Variants in RGCC observed in about 807,000 individuals in gnomAD.
The protein encoded by RGCC is regulator of cell cycle.
A neutral mutation model predicts 15.4 loss-of-function variants in RGCC; 15 were observed. The observed-to-expected ratio is 0.97, with a 90% CI of 0.65 to 1.50. The LOEUF is 1.50. Among genes scored for constraint, RGCC ranks in the 40% most tolerant of loss-of-function variants. The probability of loss-of-function intolerance (pLI) is 0.00; values close to 1 mark genes in which losing one functional copy is unlikely to be tolerated. For synonymous variants in RGCC, 81 were observed against 78.0 expected (o/e 1.04, Z -0.20); for missense variants, 176 against 189.7 (o/e 0.93, Z 0.42).
At position 41,470,465 on chromosome 13, in the gene RGCC, C is replaced by T; in HGVS notation, c.407-13C>T. 6.2e-7 allele frequency: 1 copy of T among 1,613,168 alleles called. No homozygotes were observed. The highest frequency in any genetic ancestry group is 1.7e-5 in the Admixed American group (1 of 60,014). On this transcript the variant is annotated splice_polypyrimidine_tract_variant and intron_variant, in intron 4 of 4. Coordinates refer to ENST00000379359, the MANE Select transcript of RGCC (RefSeq NM_014059.3). ...CCTCTGAGTGGATAACCTTACCTATCTCTCATTTACAGGTATGTGAAACAA... is the reference window on the plus strand; with the variant it reads ...CCTCTGAGTGGATAACCTTACCTATTTCTCATTTACAGGTATGTGAAACAA...
At chr13:41,467,141 G>A (rs970887294) in intron 3 of RGCC, among the ~76,000 whole-genome samples, 3 of 152,154 alleles carry the variant, frequency 2.0e-5, no homozygotes, top group Non-Finnish European at 2.9e-5. Context: ...ATAATTTGGG[G>A]CAGAAAACCT....
rs936954274 is a variant in RGCC at position 41,466,866 on chromosome 13, A to G, written c.279A>G (p.Glu93=). 1.8e-5 allele frequency: 29 copies of G among 1,613,938 alleles called. No individual in the cohort carries two copies. The Admixed American group carries it at 3.2e-4, about 18-fold the overall frequency. Residue 93 remains glutamate, a synonymous_variant, in exon 3 of 5, where the codon GAA becomes GAG. Coordinates refer to ENST00000379359, the MANE Select transcript of RGCC (RefSeq NM_014059.3). ...GGAACAGCTTCAGCTTCAGTGATGA[A>G]AAACTGAATTCTCCAACAGACTCTA... ...LYRNSFSFSD[E]KLNSPTDSTP...
intron 2 of RGCC, among the ~76,000 whole-genome samples, chr13:41,462,093 C>T (rs1405072842): frequency 6.6e-6 from 1 of 152,216 alleles, no homozygotes; most frequent in Non-Finnish European, 1.5e-5. Flanking sequence ...ACCCACACCC[C>T]CAGCCATTCC....
intron 3 of RGCC, among the ~76,000 whole-genome samples, chr13:41,467,562 A>G (rs1262997511): frequency 1.3e-5 from 2 of 152,238 alleles, no homozygotes; most frequent in Non-Finnish European, 2.9e-5. Flanking sequence ...TGCCTTTTTG[A>G]AAACAAAAGG....
Position 41,466,860 on chromosome 13 carries a change from T to A in RGCC, c.273T>A (p.Ser91Arg). ...TTTATAGGAACAGCTTCAGCTTCAG[T>A]GATGAAAAACTGAATTCTCCAACAG... ...DSLYRNSFSF[S>R]DEKLNSPTDS... The change falls in exon 3 of 5, where the codon AGT becomes AGA. Residue 91 changes from serine to arginine, a missense_variant. Ser to Arg is a moderately radical substitution (Grantham distance 110). Coordinates refer to ENST00000379359, the MANE Select transcript of RGCC (RefSeq NM_014059.3). The A allele has an allele frequency of 6.2e-7, 1 of 1,613,920 alleles. No homozygotes were observed. Among genetic ancestry groups the A allele is most frequent in the Non-Finnish European group, 8.5e-7 (1 of 1,179,820 alleles).
intron 2 of RGCC, among the ~76,000 whole-genome samples, chr13:41,463,038 G>A (rs2139574955): frequency 6.6e-6 from 1 of 152,314 alleles, no homozygotes; most frequent in South Asian, 2.1e-4. Context: ...GTGCTATTCT[G>A]CACTTTGCTA....
intron 2 of RGCC, among the ~76,000 whole-genome samples, chr13:41,460,138 G>A (rs1050584832): frequency 1.3e-5 from 2 of 152,200 alleles, no homozygotes; most frequent in South Asian, 2.1e-4. Flanking sequence ...CTAACCCTTA[G>A]TTTGGTGGTT....
At position 41,470,500 on chromosome 13, in the gene RGCC, G is replaced by C. The variant is rs1242917958; in HGVS notation, c.*15G>C. 1 of 1,613,330 alleles carries C rather than the reference G, an allele frequency of 6.2e-7. No homozygotes were observed. Among genetic ancestry groups the C allele is most frequent in the Admixed American group, 1.7e-5 (1 of 59,970 alleles). ...CAGGTATGTGAAACAAGAAGTTCTGGGTCCTTTCATCATAAGGGAGAAGCT... is the reference window on the plus strand; with the variant it reads ...CAGGTATGTGAAACAAGAAGTTCTGCGTCCTTTCATCATAAGGGAGAAGCT... On this transcript the variant is annotated 3_prime_UTR_variant, in exon 5 of 5. Transcript: ENST00000379359.
intron 2 of RGCC, among the ~76,000 whole-genome samples, chr13:41,464,962 G>T (rs73181130): frequency 1.3e-5 from 2 of 151,996 alleles, no homozygotes; most frequent in African/African-American, 2.4e-5. Context: ...AGGAGAGGGT[G>T]GGGGGAAAGG....
intron 2 of RGCC, among the ~76,000 whole-genome samples, chr13:41,460,234 T>C (rs1049316328): frequency 7.2e-5 from 11 of 152,232 alleles, no homozygotes; most frequent in African/African-American, 2.7e-4. Context: ...ACAAGGCTAG[T>C]CAGAAATATT....
At chr13:41,470,220 C>T (rs1339015337) in intron 4 of RGCC, among the ~76,000 whole-genome samples, 1 of 152,142 alleles carries the variant, frequency 6.6e-6, no homozygotes. Context: ...CACCATCTTA[C>T]ATCAGAAGAC....
In RGCC at chr13:41,458,473, A is replaced by T; in HGVS notation, c.235+3A>T. ...CAGCGGCTTCAGCGACTCGGAGAGT[A>T]AGTGCGGCCCCCGCTAGGATGGCGC... On this transcript the variant is annotated splice_donor_region_variant and intron_variant, in intron 2 of 4. Coordinates refer to ENST00000379359, the MANE Select transcript of RGCC (RefSeq NM_014059.3). This position sits in a 1 kb window ranked among gnomAD's most constrained non-coding sequence, Gnocchi z 4.4. The T allele has an allele frequency of 1.9e-6, 3 of 1,594,000 alleles. No individual in the cohort carries two copies. Among genetic ancestry groups the T allele is most frequent in the Non-Finnish European group, 2.6e-6 (3 of 1,175,540 alleles).
chr13:41,461,043 T>C lies in RGCC; in HGVS notation c.235+2573T>C, dbSNP rs1488546507. On this transcript the variant is annotated intron_variant, in intron 2 of 4. Transcript: ENST00000379359. ...CCTCGTACTGAAAGAAACAAGTTACTCAGATAGGAAAGAAGAACAGATATT... is the reference window on the plus strand; with the variant it reads ...CCTCGTACTGAAAGAAACAAGTTACCCAGATAGGAAAGAAGAACAGATATT... 2.0e-5 allele frequency among the ~76,000 whole-genome samples: 3 copies of C among 152,120 alleles called. No individual in the cohort carries two copies. The East Asian group carries it at 5.8e-4, about 29-fold the overall frequency.
chr13:41,459,802 C>T (rs1191889817), intron 2 of RGCC, among the ~76,000 whole-genome samples: 1 of 152,222 alleles, frequency 6.6e-6, no homozygotes, highest in African/African-American at 2.4e-5. Context: ...ATGTCTCCTC[C>T]TACTGGGGCA....
chr13:41,464,490 G>A (rs1482459902), intron 2 of RGCC, among the ~76,000 whole-genome samples: 1 of 152,144 alleles, frequency 6.6e-6, no homozygotes, highest in Non-Finnish European at 1.5e-5. Flanking sequence ...GGAGCCAGCA[G>A]GAGGGCTTCC....
intron 2 of RGCC, among the ~76,000 whole-genome samples, chr13:41,464,901 C>T (rs2043839874): frequency 6.6e-6 from 1 of 151,714 alleles, no homozygotes; most frequent in Non-Finnish European, 1.5e-5. Context: ...GAAAAGTGGA[C>T]AAGATGGCGG....
rs200698327 is a variant in RGCC at position 41,461,242 on chromosome 13, T to TA, written c.235+2779dup. 7.1e-3 allele frequency among the ~76,000 whole-genome samples: 1,074 copies of TA among 152,226 alleles called. 10 individuals are homozygous for TA. The highest frequency in any genetic ancestry group is 0.024 in the African/African-American group (989 of 41,528). On this transcript the variant is annotated intron_variant, in intron 2 of 4. Coordinates refer to ENST00000379359, the MANE Select transcript of RGCC (RefSeq NM_014059.3). Reference sequence around the variant, plus strand: ...TTCGTTTAGACTTGATTCCAACATGTAAAAAAATCAGGCACTTTAGTGGGA... The same window carrying TA: ...TTCGTTTAGACTTGATTCCAACATGTAAAAAAAATCAGGCACTTTAGTGGGA...
In RGCC at chr13:41,470,661, AT is replaced by A. The variant is rs1435992014; in HGVS notation, c.*179del. ...CAGCCCTTGATCCCATTTCTGGGCA[AT>A]TTAGACAGTGAAACTGACTTTGTTT... On this transcript the variant is annotated 3_prime_UTR_variant, in exon 5 of 5. Coordinates refer to ENST00000379359, the MANE Select transcript of RGCC (RefSeq NM_014059.3). The A allele has an allele frequency of 1.1e-5, 7 of 633,894 alleles. No homozygotes were observed. Among genetic ancestry groups the A allele is most frequent in the Non-Finnish European group, 1.7e-5 (6 of 355,730 alleles). The allele number at this position is 633,894 out of a possible 1,614,324, so 39.3% of individuals were successfully genotyped here. A position where few individuals can be genotyped will look rare whatever the true frequency, so the allele number is the denominator to read the frequency against.
chr13:41,463,124 A>G (rs757289653), intron 2 of RGCC, among the ~76,000 whole-genome samples: 2 of 152,216 alleles, frequency 1.3e-5, no homozygotes, highest in Non-Finnish European at 2.9e-5. Context: ...TCTTCTAACA[A>G]GGAAGAAACA....
Sources: gnomAD v4.1 joint callset for allele counts (sites outside exome capture counted in the v4.1 genomes callset) on GRCh38, gnomAD v4.1.1 for gene constraint, Gnocchi (gnomAD v3.1) non-coding constraint, MANE v1.5 for transcripts, NCBI Gene and HGNC (gene_info 2026-07-23, HGNC 2026-07-21) for gene names.